Variants in ZNF474 observed in about 807,000 individuals in gnomAD.
The protein encoded by ZNF474 is 4933409D10Rik.
For missense variants in ZNF474, 511 were observed against 433.8 expected (o/e 1.18, Z -1.58); for synonymous variants, 192 against 162.2 (o/e 1.18, Z -1.39).
intron 1 of ZNF474, among the ~76,000 whole-genome samples, chr5:122,134,063 A>G (rs777375324): frequency 7.9e-5 from 12 of 152,200 alleles, no homozygotes; most frequent in Non-Finnish European, 1.5e-4. Context: ...TAAGTTGTAA[A>G]TGGTGAAGAA....
intron 1 of ZNF474, among the ~76,000 whole-genome samples, chr5:122,144,470 G>A (rs1755933528): frequency 6.6e-6 from 1 of 152,126 alleles, no homozygotes; most frequent in South Asian, 2.1e-4. Context: ...CAGGAATGTG[G>A]GCTCTGTTCT....
chr5:122,129,981 G>A (rs1032280561), intron 1 of ZNF474, among the ~76,000 whole-genome samples: 3 of 152,062 alleles, frequency 2.0e-5, no homozygotes, highest in Non-Finnish European at 4.4e-5. Context: ...TGGATTAGAT[G>A]TTCTAATACC....
chr5:122,139,652 A>C (rs1755786621), intron 1 of ZNF474, among the ~76,000 whole-genome samples: 1 of 152,218 alleles, frequency 6.6e-6, no homozygotes, highest in Admixed American at 6.5e-5. Context: ...AACAAGGAAC[A>C]TGATGATGTG....
intron 1 of ZNF474, among the ~76,000 whole-genome samples, chr5:122,131,872 C>A (rs145415627): frequency 1.5e-3 from 223 of 151,966 alleles, no homozygotes; most frequent in Middle Eastern, 6.8e-3. Flanking sequence ...ATGTATAACT[C>A]ACATATAATA....
Position 122,151,910 on chromosome 5 carries a change from A to G in ZNF474, c.-81A>G, listed in dbSNP as rs1436009042. The G allele has an allele frequency of 2.0e-6, 3 of 1,513,912 alleles. No individual in the cohort carries two copies. Among genetic ancestry groups the G allele is most frequent in the African/African-American group, 2.8e-5 (2 of 71,834 alleles). 93.8% of individuals were successfully genotyped at this position (1,513,912 alleles called of 1,614,324 possible). A position where few individuals can be genotyped will look rare whatever the true frequency, so the allele number is the denominator to read the frequency against. On this transcript the variant is annotated 5_prime_UTR_variant, in exon 2 of 2. Transcript: ENST00000296600. The stretch of plus-strand genomic sequence containing the variant: ...TGTGAACCCCAGGACAACTAACCTC[A>G]CTAACCTTCACTCTAAGCAGAAGCC...
intron 1 of ZNF474, among the ~76,000 whole-genome samples, chr5:122,144,839 C>T (rs1339726277): frequency 6.6e-6 from 1 of 152,108 alleles, no homozygotes; most frequent in African/African-American, 2.4e-5. Context: ...ATAACCAGTG[C>T]TCCACCACTG....
chr5:122,133,355 A>G (rs1035386083), intron 1 of ZNF474, among the ~76,000 whole-genome samples: 4 of 152,314 alleles, frequency 2.6e-5, no homozygotes, highest in Middle Eastern at 6.8e-3. Flanking sequence ...AGAAAAATCT[A>G]TACCTGGTCA....
At chr5:122,140,069 A>C (rs1023127530) in intron 1 of ZNF474, among the ~76,000 whole-genome samples, 6 of 152,272 alleles carry the variant, frequency 3.9e-5, no homozygotes, top group Admixed American at 2.0e-4. Context: ...ATCACGGAAA[A>C]CTCTCACAGG....
chr5:122,146,664 C>A (rs1433339642), intron 1 of ZNF474, among the ~76,000 whole-genome samples: 2 of 152,054 alleles, frequency 1.3e-5, no homozygotes, highest in African/African-American at 4.8e-5. Flanking sequence ...TTAAAAATGG[C>A]TAAAATAAAA....
Position 122,153,336 on chromosome 5 carries a change from C to A in ZNF474, c.*251C>A. On this transcript the variant is annotated 3_prime_UTR_variant, in exon 2 of 2. Transcript: ENST00000296600. ...TCCCTGATCCCTGATACAAATAATCCCTGGGAGAGACAGTAATTTGAAAAT... is the reference window on the plus strand; with the variant it reads ...TCCCTGATCCCTGATACAAATAATCACTGGGAGAGACAGTAATTTGAAAAT... 1 of 450,618 alleles carries A rather than the reference C, an allele frequency of 2.2e-6. No individual in the cohort carries two copies. The highest frequency in any genetic ancestry group is 4.0e-6 in the Non-Finnish European group (1 of 250,266). 27.9% of individuals were successfully genotyped at this position (450,618 alleles called of 1,614,324 possible).
chr5:122,152,509 C>T lies in ZNF474; in HGVS notation c.519C>T (p.Arg173=), dbSNP rs753760678. ...AQLLPCESCG[R]TFLPDHLLVH... is the part of the protein sequence containing the mutation. ...TGCTGCCCTGTGAATCCTGTGGCCG[C>T]ACATTCTTGCCAGATCATCTTCTTG... Residue 173 remains arginine, a synonymous_variant, in exon 2 of 2, where the codon CGC becomes CGT. Coordinates refer to ENST00000296600, the MANE Select transcript of ZNF474 (RefSeq NM_207317.3). 1.2e-5 allele frequency: 20 copies of T among 1,614,072 alleles called. No individual in the cohort carries two copies. Among genetic ancestry groups the T allele is most frequent in the Non-Finnish European group, 1.6e-5 (19 of 1,180,054 alleles).
At chr5:122,146,187 A>G (rs1324653478) in intron 1 of ZNF474, among the ~76,000 whole-genome samples, 1 of 152,212 alleles carries the variant, frequency 6.6e-6, no homozygotes, top group African/African-American at 2.4e-5. Context: ...ACACAGAGCC[A>G]GCTTGCAAAG....
intron 1 of ZNF474, among the ~76,000 whole-genome samples, chr5:122,147,624 G>T (rs1756026495): frequency 6.6e-6 from 1 of 151,650 alleles, no homozygotes; most frequent in Admixed American, 6.6e-5. Flanking sequence ...AACATGAGGT[G>T]TTCGGCTTTC....
intron 1 of ZNF474, among the ~76,000 whole-genome samples, chr5:122,132,583 G>A (rs955022436): frequency 1.1e-4 from 17 of 151,806 alleles, no homozygotes; most frequent in African/African-American, 3.9e-4. Flanking sequence ...CAAATATTAG[G>A]ATCATAGATA....
chr5:122,141,355 C>G (rs963377226), intron 1 of ZNF474, among the ~76,000 whole-genome samples: 31 of 127,326 alleles, frequency 2.4e-4, no homozygotes, highest in African/African-American at 9.2e-4. Flanking sequence ...TCTTGCCAGG[C>G]TGGAGTGCAA....
intron 1 of ZNF474, among the ~76,000 whole-genome samples, chr5:122,137,169 G>A (rs1284584462): frequency 6.6e-6 from 1 of 152,084 alleles, no homozygotes; most frequent in East Asian, 1.9e-4. Flanking sequence ...ATGGGTGCAG[G>A]TGGGTGTGTA....
At chr5:122,151,705 A>ATGTGTGTGTGTGTG (rs145270704) in intron 1 of ZNF474, 74 bp from the exon 2 acceptor site, 2 of 206,000 alleles carry the variant, frequency 9.7e-6, no homozygotes, top group African/African-American at 2.5e-5. Context: ...AACAACCTAA[A>ATGTGTGTGTGTGTG]TGTGTGTGTG....
intron 1 of ZNF474, among the ~76,000 whole-genome samples, chr5:122,131,710 A>G (rs1391833606): frequency 6.6e-6 from 1 of 152,064 alleles, no homozygotes; most frequent in Non-Finnish European, 1.5e-5. Flanking sequence ...ATAAATATGG[A>G]ATAATATGTC....
intron 1 of ZNF474, among the ~76,000 whole-genome samples, chr5:122,132,506 A>G (rs746911632): frequency 2.0e-5 from 3 of 152,120 alleles, no homozygotes; most frequent in Non-Finnish European, 4.4e-5. Flanking sequence ...TATAATTAAG[A>G]GAAAGTATAA....
Sources: allele counts gnomAD v4.1 joint callset (sites outside exome capture counted in the v4.1 genomes callset), GRCh38; gene constraint gnomAD v4.1.1; transcripts MANE v1.5; gene names NCBI Gene and HGNC (gene_info 2026-07-23, HGNC 2026-07-21).